RND3: variants seen among roughly 807,000 people sequenced by gnomAD.
The protein encoded by RND3 is Rho family GTPase 3, also known as rho-related GTP-binding protein RhoE.
Under a neutral mutation model 26.5 loss-of-function variants are expected in RND3, and 8 were observed. The observed-to-expected ratio is 0.30, with a 90% CI of 0.18 to 0.54. The LOEUF is 0.54. RND3 is among the 20% of genes least tolerant of loss of function. RND3 has a pLI of 0.94. For synonymous variants in RND3, 113 were observed against 113.0 expected, an observed-to-expected ratio of 1.00 and a Z score of 0.00; for missense variants, 207 against 302.8, an observed-to-expected ratio of 0.68 and a Z score of 2.35.
At chr2:150,481,282 C>T (rs1328357451) in intron 3 of RND3, among the ~76,000 whole-genome samples, 2 of 152,144 alleles carry the variant, frequency 1.3e-5, no homozygotes, top group African/African-American at 4.8e-5. Context: ...GGTTTAGAAC[C>T]TCCGGGCTCA....
intron 3 of RND3, among the ~76,000 whole-genome samples, chr2:150,481,096 G>A (rs1435694660): frequency 6.6e-6 from 1 of 152,200 alleles, no homozygotes. Flanking sequence ...GCCACTAAAT[G>A]TAAGCGAGTT....
intron 3 of RND3, among the ~76,000 whole-genome samples, chr2:150,479,978 C>T (rs1686242556): frequency 6.6e-6 from 1 of 151,996 alleles, no homozygotes; most frequent in Non-Finnish European, 1.5e-5. Context: ...TTTCTGGGGG[C>T]AATGTAGATA....
intron 3 of RND3, among the ~76,000 whole-genome samples, chr2:150,484,760 C>A (rs1686330377): frequency 6.6e-6 from 1 of 152,142 alleles, no homozygotes; most frequent in Non-Finnish European, 1.5e-5. Context: ...AAATGAGACC[C>A]AGGGAGATAG....
intron 3 of RND3, among the ~76,000 whole-genome samples, chr2:150,483,668 T>C (rs1305572810): frequency 6.6e-6 from 1 of 152,212 alleles, no homozygotes; most frequent in Non-Finnish European, 1.5e-5. Flanking sequence ...TGGAATTAAA[T>C]GGAAAAATGT....
Position 150,486,097 on chromosome 2 carries a change from A to T in RND3, c.238+597T>A, listed in dbSNP as rs1161711754. Among the ~76,000 whole-genome samples, 1 of 151,666 alleles carries T rather than the reference A, an allele frequency of 6.6e-6. No individual in the cohort carries two copies. The highest frequency in any genetic ancestry group is 6.6e-5 in the Admixed American group (1 of 15,250). On this transcript the variant is annotated intron_variant, in intron 3 of 5. Transcript: ENST00000263895. This position sits in a 1 kb window ranked among gnomAD's most constrained non-coding sequence, Gnocchi z 4.5. Reference sequence around the variant, plus strand: ...CACCGAGGCACCGCGGGCGGCCGGCAGCGCGAAGAGGAGGTTCAGCTGCTG... The same window carrying T: ...CACCGAGGCACCGCGGGCGGCCGGCTGCGCGAAGAGGAGGTTCAGCTGCTG...
chr2:150,477,648 C>A (rs1013221923), intron 3 of RND3, among the ~76,000 whole-genome samples: 1 of 152,132 alleles, frequency 6.6e-6, no homozygotes, highest in Non-Finnish European at 1.5e-5. Context: ...GTGCATATAT[C>A]TAAATATCTG....
At chr2:150,480,154 A>G (rs1461674563) in intron 3 of RND3, among the ~76,000 whole-genome samples, 1 of 152,234 alleles carries the variant, frequency 6.6e-6, no homozygotes, top group African/African-American at 2.4e-5. Flanking sequence ...GTATATGTAT[A>G]TGAATATGCC....
chr2:150,485,153 T>G (rs1436675733), intron 3 of RND3: 1 of 152,324 alleles, frequency 6.6e-6, no homozygotes, highest in East Asian at 1.9e-4. Flanking sequence ...AAGTCCTGAT[T>G]CTGCTGCCCT....
intron 4 of RND3, among the ~76,000 whole-genome samples, chr2:150,472,583 G>GCAA (rs1222203037): frequency 6.6e-6 from 1 of 152,110 alleles, no homozygotes; most frequent in Non-Finnish European, 1.5e-5. Flanking sequence ...CTTGAGCTCT[G>GCAA]CAACAGCATG....
chr2:150,471,520 G>A, intron 5 of RND3, 107 bp downstream of exon 5: 1 of 905,290 alleles, frequency 1.1e-6, no homozygotes, highest in Non-Finnish European at 1.7e-6. Context: ...TGACCACTGG[G>A]TGAGCCTTTA....
chr2:150,470,215 A>G lies in RND3; in HGVS notation c.507T>C (p.Ile169=). ...YDQGANMAKQ[I]GAATYIECSA... is the part of the protein sequence containing the mutation. ...AGCATTCGATATAAGTAGCTGCTCC[A>G]ATCTGTTTGGCCATATTTGCCCCCT... The change falls in exon 6 of 6, where the codon ATT becomes ATC. Residue 169 remains isoleucine (I), a synonymous_variant. Coordinates refer to ENST00000263895, the MANE Select transcript of RND3 (RefSeq NM_005168.5). The G allele has an allele frequency of 1.2e-6, 2 of 1,613,826 alleles. No individual in the cohort carries two copies. Among genetic ancestry groups the G allele is most frequent in the Non-Finnish European group, 1.7e-6 (2 of 1,179,842 alleles).
intron 3 of RND3, 103 bp from the exon 4 acceptor site, chr2:150,475,087 G>C: frequency 1.5e-6 from 1 of 648,442 alleles, no homozygotes; most frequent in South Asian, 1.9e-5. Flanking sequence ...GTCACATCAC[G>C]ACCCAACTCC....
intron 3 of RND3, among the ~76,000 whole-genome samples, chr2:150,478,222 A>G (rs1183219068): frequency 6.6e-6 from 1 of 151,968 alleles, no homozygotes; most frequent in Non-Finnish European, 1.5e-5. Flanking sequence ...ACAAAAAACA[A>G]AAACACTCAC....
At chr2:150,470,590 G>C in intron 5 of RND3, among the ~76,000 whole-genome samples, 1 of 152,118 alleles carries the variant, frequency 6.6e-6, no homozygotes, top group South Asian at 2.1e-4. Flanking sequence ...TGGAGCTAAC[G>C]AAGTGATTCA....
intron 4 of RND3, among the ~76,000 whole-genome samples, chr2:150,472,276 C>T (rs1355757708): frequency 6.6e-6 from 1 of 152,074 alleles, no homozygotes; most frequent in Non-Finnish European, 1.5e-5. Flanking sequence ...TTTTAAGTAC[C>T]TGAGATAGTT....
At chr2:150,487,149 CTTTT>C (rs144401566) in intron 2 of RND3, 115 bp downstream of exon 2, 3 of 550,830 alleles carry the variant, frequency 5.4e-6, no homozygotes, top group Non-Finnish European at 8.3e-6. Flanking sequence ...CCGAGAAAGA[CTTTT>C]TTTTTTCTTT....
rs144944165 is a variant in RND3 at position 150,483,801 on chromosome 2, TTAAC to T, written c.238+2889_238+2892del. On this transcript the variant is annotated intron_variant, in intron 3 of 5. Coordinates refer to ENST00000263895, the MANE Select transcript of RND3 (RefSeq NM_005168.5). ...AGTAAGCAGTGCTTGGTGACTGTGT[TTAAC>T]TAACTAACATTTCACCTCATGAACA... Among the ~76,000 whole-genome samples the T allele has an allele frequency of 2.7e-3, 414 of 152,294 alleles. 1 individual carries two copies. The highest frequency in any genetic ancestry group is 8.4e-3 in the African/African-American group (351 of 41,572).
Position 150,469,703 on chromosome 2 carries a change from T to G in RND3, c.*284A>C. 1 of 358,150 alleles carries G rather than the reference T, an allele frequency of 2.8e-6. No homozygotes were observed. The highest frequency in any genetic ancestry group is 6.1e-5 in the South Asian group (1 of 16,356). The allele number at this position is 358,150 out of a possible 1,614,324, so 22.2% of individuals were successfully genotyped here. A position where few individuals can be genotyped will look rare whatever the true frequency, so the allele number is the denominator to read the frequency against. On this transcript the variant is annotated 3_prime_UTR_variant, in exon 6 of 6. Transcript: ENST00000263895. ...AGAGTGTGATTTTTCTTCTTGGAGG[T>G]ACTCGCATCCCCCCTCATCTTCCTC...
chr2:150,470,865 G>T (rs754376044), intron 5 of RND3, among the ~76,000 whole-genome samples: 5 of 152,090 alleles, frequency 3.3e-5, no homozygotes, highest in Non-Finnish European at 5.9e-5. Flanking sequence ...AAAAACAGGG[G>T]CAATGAATGA....
Sources: gnomAD v4.1 joint callset for allele counts (sites outside exome capture counted in the v4.1 genomes callset) on GRCh38, gnomAD v4.1.1 for gene constraint, Gnocchi (gnomAD v3.1) non-coding constraint, MANE v1.5 for transcripts, NCBI Gene and HGNC (gene_info 2026-07-23, HGNC 2026-07-21) for gene names.